PHRF1: variants seen among roughly 807,000 people sequenced by gnomAD.
PHRF1 encodes PHD and RING finger domain-containing protein 1.
Under a neutral mutation model 128.9 loss-of-function variants are expected in PHRF1, and 53 were observed. That is an observed-to-expected ratio of 0.41 (90% confidence interval 0.33 to 0.52). The LOEUF (loss-of-function observed/expected upper bound fraction) is 0.52, where lower values mean the gene tolerates loss of function less well. Among genes scored for constraint, PHRF1 ranks in the 20% least tolerant of loss-of-function variants. PHRF1 has a pLI of 0.21. For synonymous variants in PHRF1, 1,178 were observed against 980.6 expected (o/e 1.20, Z -3.76); for missense variants, 2,503 against 2,284.5 (o/e 1.10, Z -1.95).
At chr11:590,534 A>G (rs57080334) in intron 4 of PHRF1, among the ~76,000 whole-genome samples, 5,989 of 152,282 alleles carry the variant, frequency 0.039, 404 homozygotes, top group African/African-American at 0.14. Flanking sequence ...TGGGTACTCC[A>G]CAGGTTGTAT....
chr11:598,007 G>T (rs1362944401), intron 8 of PHRF1, among the ~76,000 whole-genome samples: 1 of 152,110 alleles, frequency 6.6e-6, no homozygotes, highest in East Asian at 1.9e-4. Flanking sequence ...CTGTGGGCAT[G>T]TGGTGTGTGC....
chr11:603,205 C>G (rs1240093211), intron 10 of PHRF1, among the ~76,000 whole-genome samples: 2 of 151,782 alleles, frequency 1.3e-5, no homozygotes, highest in Non-Finnish European at 2.9e-5. Context: ...ACAGGCATAG[C>G]CCACCGTGCC....
At chr11:580,077 G>C (rs971184951) in intron 1 of PHRF1, among the ~76,000 whole-genome samples, 1 of 152,172 alleles carries the variant, frequency 6.6e-6, no homozygotes. Flanking sequence ...GGCCTCTTGT[G>C]CGATGCGCTT....
chr11:592,759 T>G, intron 6 of PHRF1, 85 bp downstream of exon 6: 9 of 1,436,872 alleles, frequency 6.3e-6, no homozygotes, highest in Non-Finnish European at 8.8e-6. Flanking sequence ...CTCTTCGCTC[T>G]GTGAAGTCTG....
intron 10 of PHRF1, among the ~76,000 whole-genome samples, chr11:603,631 C>G (rs575794662): frequency 6.6e-6 from 1 of 151,248 alleles, no homozygotes; most frequent in Admixed American, 6.6e-5. Flanking sequence ...GCCAAGTCTG[C>G]TGCATCTTTA....
At chr11:586,704 C>T (rs1053410115) in intron 3 of PHRF1, among the ~76,000 whole-genome samples, 21 of 152,332 alleles carry the variant, frequency 1.4e-4, no homozygotes, top group South Asian at 4.1e-4. Context: ...AGAACCACTC[C>T]GAATTGGCCA....
chr11:577,266 G>A (rs971992335), intron 1 of PHRF1, among the ~76,000 whole-genome samples: 3 of 152,256 alleles, frequency 2.0e-5, no homozygotes, highest in African/African-American at 7.2e-5. Context: ...CCGGCAGCCG[G>A]GGATCCGCGC....
At chr11:606,843 T>G in intron 13 of PHRF1, 1 of 885,358 alleles carries the variant, frequency 1.1e-6, no homozygotes, top group Non-Finnish European at 1.7e-6. Flanking sequence ...CCGCCCCTGG[T>G]TAATATCGTG....
At position 612,153 on chromosome 11, in the gene PHRF1, G is replaced by A; in HGVS notation, c.*376G>A. 3.1e-6 allele frequency: 1 copy of A among 322,518 alleles called. No individual in the cohort carries two copies. The highest frequency in any genetic ancestry group is 5.4e-5 in the South Asian group (1 of 18,684). 20.0% of individuals were successfully genotyped at this position (322,518 alleles called of 1,614,324 possible). A position where few individuals can be genotyped will look rare whatever the true frequency, so the allele number is the denominator to read the frequency against. The stretch of plus-strand genomic sequence containing the variant: ...GCGCGTCCTTGATAAATCTCTAGGT[G>A]GCCTCCCGCCAACAGCTGCTGTGTA... On this transcript the variant is annotated 3_prime_UTR_variant, in exon 18 of 18. Coordinates refer to ENST00000264555, the MANE Select transcript of PHRF1 (RefSeq NM_001286581.2).
intron 1 of PHRF1, among the ~76,000 whole-genome samples, chr11:580,830 A>G (rs1459795539): frequency 6.6e-6 from 1 of 152,158 alleles, no homozygotes; most frequent in Non-Finnish European, 1.5e-5. Flanking sequence ...CTGGGATTAC[A>G]GGCGCCCGCC....
At position 587,512 on chromosome 11, in the gene PHRF1, C is replaced by T. The variant is rs1332831994; in HGVS notation, c.420+48C>T. ...GCTTCCTCCCTTCAGGATGGCCTCC[C>T]TGTTTATAGGTGACCCAGCCTGTGT... On this transcript the variant is annotated intron_variant, in intron 4 of 17. Coordinates refer to ENST00000264555, the MANE Select transcript of PHRF1 (RefSeq NM_001286581.2). The T allele has an allele frequency of 2.5e-6, 4 of 1,585,758 alleles. No individual in the cohort carries two copies. The Admixed American group carries it at 5.0e-5, about 20-fold the overall frequency.
intron 12 of PHRF1, 98 bp from the exon 13 acceptor site, chr11:606,342 CCA>C: frequency 2.1e-6 from 3 of 1,412,798 alleles, no homozygotes; most frequent in Non-Finnish European, 9.3e-7. Flanking sequence ...CGGCCCAGCC[CCA>C]CTCTCCCTGG....
intron 3 of PHRF1, 99 bp from the exon 4 acceptor site, chr11:587,160 C>T (rs930245003): frequency 6.0e-6 from 7 of 1,171,440 alleles, no homozygotes; most frequent in South Asian, 4.2e-5. Flanking sequence ...TGTGCATTGC[C>T]GACCTGGTGT....
Position 597,657 on chromosome 11 carries a change from C to A in PHRF1, c.894+87C>A. 1 of 1,476,066 alleles carries A rather than the reference C, an allele frequency of 6.8e-7. No homozygotes were observed. Among genetic ancestry groups the A allele is most frequent in the Non-Finnish European group, 9.1e-7 (1 of 1,097,792 alleles). The allele number at this position is 1,476,066 out of a possible 1,614,324, so 91.4% of individuals were successfully genotyped here. A position where few individuals can be genotyped will look rare whatever the true frequency, so the allele number is the denominator to read the frequency against. On this transcript the variant is annotated intron_variant, in intron 8 of 17. Transcript: ENST00000264555. The surrounding 1 kb of genome is among the most constrained non-coding windows in gnomAD (Gnocchi z 6.5). ...TCTGGGTGGGTGGGAGGGGCGTCGT[C>A]GGCACTGTGGGGTCCGCCCGGCCCC...
Position 609,085 on chromosome 11 carries a change from A to C in PHRF1, c.3629A>C (p.Glu1210Ala), listed in dbSNP as rs780603404. 1.2e-6 allele frequency: 2 copies of C among 1,602,338 alleles called. No homozygotes were observed. Among genetic ancestry groups the C allele is most frequent in the Non-Finnish European group, 1.7e-6 (2 of 1,175,144 alleles). ...TCCCCAGCGCCCCTTGCACAGGGGGAGCCAGGGCGGGAAGACCTCCCCACC... is the reference window on the plus strand; with the variant it reads ...TCCCCAGCGCCCCTTGCACAGGGGGCGCCAGGGCGGGAAGACCTCCCCACC... ...EASPAPLAQG[E>A]PGREDLPTRL... is the part of the protein sequence containing the mutation. The change falls in exon 14 of 18, where the codon GAG (glutamate) becomes GCG (alanine). Residue 1210 changes from glutamate (E) to alanine (A), a missense_variant. Coordinates refer to ENST00000264555, the MANE Select transcript of PHRF1 (RefSeq NM_001286581.2).
chr11:608,176 G>A lies in PHRF1; in HGVS notation c.2720G>A (p.Gly907Asp), dbSNP rs766834922. ...TCCTCCGCCATGTCCAAGCTCCGGG[G>A]TGCAGTGGCTGCCGAGGGGGCCTCT... Reference protein sequence around the residue: ...GPSSAMSKLRGAVAAEGASDT... With the variant: ...GPSSAMSKLRDAVAAEGASDT... The change falls in exon 14 of 18, where the codon GGT (glycine) becomes GAT (aspartate). Residue 907 changes from glycine to aspartate, a missense_variant. Physicochemically the swap from Gly to Asp is moderately conservative, Grantham distance 94. Coordinates refer to ENST00000264555, the MANE Select transcript of PHRF1 (RefSeq NM_001286581.2). 3 of 1,610,492 alleles carry A rather than the reference G, an allele frequency of 1.9e-6. No homozygotes were observed. The highest frequency in any genetic ancestry group is 2.2e-5 in the East Asian group (1 of 44,878).
At chr11:603,895 G>A (rs914277886) in intron 10 of PHRF1, among the ~76,000 whole-genome samples, 6 of 151,738 alleles carry the variant, frequency 4.0e-5, no homozygotes, top group Non-Finnish European at 7.4e-5. Flanking sequence ...TAGAGATGGG[G>A]TTTTGCCATG....
chr11:580,539 G>A (rs973997146), intron 1 of PHRF1, among the ~76,000 whole-genome samples: 58 of 152,332 alleles, frequency 3.8e-4, no homozygotes, highest in African/African-American at 1.3e-3. Flanking sequence ...GGTCAGAGGA[G>A]CCTCCAGGCA....
At chr11:593,697 C>T (rs999472920) in intron 6 of PHRF1, among the ~76,000 whole-genome samples, 2 of 152,206 alleles carry the variant, frequency 1.3e-5, no homozygotes, top group Admixed American at 6.5e-5. Context: ...GTCAGTTCGC[C>T]CTCCTCCTCA....
Sources: allele counts gnomAD v4.1 joint callset (sites outside exome capture counted in the v4.1 genomes callset), GRCh38; gene constraint gnomAD v4.1.1; non-coding constraint Gnocchi (gnomAD v3.1); transcripts MANE v1.5; gene names NCBI Gene and HGNC (gene_info 2026-07-23, HGNC 2026-07-21).